SDK1: variants seen among roughly 807,000 people sequenced by gnomAD.
SDK1 encodes sidekick cell adhesion molecule 1, also known as protein sidekick-1.
Under a neutral mutation model 245.5 loss-of-function variants are expected in SDK1, and 157 were observed. The ratio of observed to expected loss-of-function variants is 0.64; its 90% CI spans 0.56 to 0.73. The LOEUF (loss-of-function observed/expected upper bound fraction) is 0.73. SDK1 is among the 30% of genes least tolerant of loss of function. The pLI is 0.00. For missense variants in SDK1, 3,583 were observed against 3,002.3 expected, an observed-to-expected ratio of 1.19 and a Z score of -4.52; for synonymous variants, 1,647 against 1,278.5, an observed-to-expected ratio of 1.29 and a Z score of -6.15.
chr7:3,821,318 T>A lies in SDK1; in HGVS notation c.714-132T>A, dbSNP rs574287395. ...GTCGTATTCTTAAAGTCGGCCTGTGTATTGTTTTTGTCCTTCCAGCTCTTC... is the reference window on the plus strand; with the variant it reads ...GTCGTATTCTTAAAGTCGGCCTGTGAATTGTTTTTGTCCTTCCAGCTCTTC... On this transcript the variant is annotated intron_variant, in intron 4 of 44. Coordinates refer to ENST00000404826, the MANE Select transcript of SDK1 (RefSeq NM_152744.4). 4.7e-3 allele frequency: 4,638 copies of A among 994,284 alleles called. 16 individuals carry two copies. Among genetic ancestry groups the A allele is most frequent in the Non-Finnish European group, 6.0e-3 (4,134 of 683,596 alleles). The allele number at this position is 994,284 out of a possible 1,614,324, so 61.6% of individuals were successfully genotyped here. A position where few individuals can be genotyped will look rare whatever the true frequency, so the allele number is the denominator to read the frequency against.
chr7:4,268,721 G>A lies in SDK1; in HGVS notation c.*3337G>A, dbSNP rs1238743431. 7.3e-7 allele frequency: 1 copy of A among 1,367,884 alleles called. No homozygotes were observed. The highest frequency in any genetic ancestry group is 1.5e-5 in the African/African-American group (1 of 67,864). The allele number at this position is 1,367,884 out of a possible 1,614,324, so 84.7% of individuals were successfully genotyped here. On this transcript the variant is annotated 3_prime_UTR_variant, in exon 45 of 45. Transcript: ENST00000404826. ...GAGCAACCCGTCTGCGTACCTAAGT[G>A]TGGCTCCCCGTGGGTCAGCGTCCTG...
chr7:3,303,247 C>T (rs1270910951), intron 1 of SDK1, among the ~76,000 whole-genome samples: 2 of 152,186 alleles, frequency 1.3e-5, no homozygotes, highest in Non-Finnish European at 2.9e-5. Context: ...ACAGTGGGAT[C>T]TGTAGATTGT....
At chr7:4,213,583 C>CA (rs113155169) in intron 38 of SDK1, among the ~76,000 whole-genome samples, 12,881 of 134,318 alleles carry the variant, frequency 0.096, 636 homozygotes, top group African/African-American at 0.14. Flanking sequence ...GATTCTGTCT[C>CA]AAAAAAAAAA....
intron 1 of SDK1, among the ~76,000 whole-genome samples, chr7:3,603,344 C>T (rs539695474): frequency 4.0e-5 from 6 of 150,320 alleles, no homozygotes; most frequent in Middle Eastern, 3.4e-3. Context: ...TGTTTGTATC[C>T]TCTTTTATTT....
intron 1 of SDK1, among the ~76,000 whole-genome samples, chr7:3,325,470 G>T (rs1779918412): frequency 6.6e-6 from 1 of 151,996 alleles, no homozygotes; most frequent in African/African-American, 2.4e-5. Context: ...TACTTTTAAA[G>T]AATTTAAGCG....
At chr7:4,262,185 C>A (rs1250537635) in intron 44 of SDK1, among the ~76,000 whole-genome samples, 3 of 150,970 alleles carry the variant, frequency 2.0e-5, no homozygotes, top group Non-Finnish European at 4.4e-5. Flanking sequence ...ATTACAGGCA[C>A]CCACCACCAT....
intron 1 of SDK1, among the ~76,000 whole-genome samples, chr7:3,321,064 C>T (rs527600396): frequency 7.9e-5 from 12 of 152,278 alleles, no homozygotes; most frequent in African/African-American, 2.9e-4. Flanking sequence ...GGATGTCTTG[C>T]AATCCTAAAA....
intron 44 of SDK1, among the ~76,000 whole-genome samples, chr7:4,260,482 G>A (rs1787919473): frequency 7.3e-6 from 1 of 136,292 alleles, no homozygotes; most frequent in African/African-American, 2.8e-5. Flanking sequence ...GTGGGAAGAT[G>A]TGTTCATCGT....
At chr7:3,527,448 A>C (rs1251698000) in intron 1 of SDK1, among the ~76,000 whole-genome samples, 1 of 152,192 alleles carries the variant, frequency 6.6e-6, no homozygotes, top group Non-Finnish European at 1.5e-5. Flanking sequence ...GATGCCATGA[A>C]GGGCAGTTTA....
At chr7:3,860,956 C>G (rs1780674764) in intron 5 of SDK1, among the ~76,000 whole-genome samples, 1 of 152,122 alleles carries the variant, frequency 6.6e-6, no homozygotes, top group African/African-American at 2.4e-5. Flanking sequence ...AGCTCACATC[C>G]AAGGTTACCG....
At chr7:4,194,379 TGTGTATACATGTATAC>T (rs1562416095) in intron 35 of SDK1, among the ~76,000 whole-genome samples, 4,977 of 117,614 alleles carry the variant, frequency 0.042, 387 homozygotes, top group Non-Finnish European at 0.051. Flanking sequence ...TATACATGTA[TGTGTATACATGTATAC>T]ATATATGTAT....
At chr7:3,380,909 C>T (rs1443469346) in intron 1 of SDK1, among the ~76,000 whole-genome samples, 2 of 152,170 alleles carry the variant, frequency 1.3e-5, no homozygotes, top group Non-Finnish European at 2.9e-5. Flanking sequence ...AGAAAGCCGT[C>T]TTTAGCTGCA....
chr7:3,953,568 C>T (rs540733756), intron 7 of SDK1, among the ~76,000 whole-genome samples: 4 of 152,230 alleles, frequency 2.6e-5, no homozygotes, highest in South Asian at 4.1e-4. Context: ...TTAAAATTTG[C>T]GACGTGTAAA....
intron 1 of SDK1, among the ~76,000 whole-genome samples, chr7:3,452,364 G>C (rs1438863761): frequency 1.3e-5 from 2 of 152,140 alleles, no homozygotes; most frequent in African/African-American, 2.4e-5. Context: ...ACTAGAAACT[G>C]ACAGGTTGTG....
intron 1 of SDK1, among the ~76,000 whole-genome samples, chr7:3,352,286 C>CT (rs1199937758): frequency 6.6e-6 from 1 of 151,390 alleles, no homozygotes; most frequent in Admixed American, 6.6e-5. Context: ...TGTCCAAATA[C>CT]TTGATACACG....
chr7:3,418,858 A>T (rs544109646), intron 1 of SDK1, among the ~76,000 whole-genome samples: 1 of 152,170 alleles, frequency 6.6e-6, no homozygotes, highest in Non-Finnish European at 1.5e-5. Flanking sequence ...CCCCTCGCCT[A>T]TGGTCAAATC....
chr7:4,139,267 C>G (rs1338385441), intron 28 of SDK1, among the ~76,000 whole-genome samples: 1 of 152,210 alleles, frequency 6.6e-6, no homozygotes, highest in East Asian at 1.9e-4. Flanking sequence ...GGCACCCACC[C>G]TAGGGCCAAA....
At chr7:3,628,653 G>C (rs1782192231) in intron 2 of SDK1, among the ~76,000 whole-genome samples, 1 of 152,202 alleles carries the variant, frequency 6.6e-6, no homozygotes, top group African/African-American at 2.4e-5. Context: ...GCTGAGTCCT[G>C]TCTTCCTCTT....
At chr7:3,577,149 C>T (rs1780320063) in intron 1 of SDK1, among the ~76,000 whole-genome samples, 2 of 151,986 alleles carry the variant, frequency 1.3e-5, no homozygotes, top group Admixed American at 1.3e-4. Context: ...AAATGAAATC[C>T]ACACACACTC....
Sources: allele counts gnomAD v4.1 joint callset (sites outside exome capture counted in the v4.1 genomes callset), GRCh38; gene constraint gnomAD v4.1.1; transcripts MANE v1.5; gene names NCBI Gene and HGNC (gene_info 2026-07-23, HGNC 2026-07-21).